Variants in MROH9 observed in about 807,000 individuals in gnomAD.
MROH9 encodes the protein maestro heat like repeat family member 9.
In MROH9, 92 loss-of-function variants were observed where a neutral mutation model predicts 98.2. The observed-to-expected ratio is 0.94, with a 90% confidence interval of 0.79 to 1.11. MROH9 has a LOEUF of 1.11. MROH9 is among the 50% of genes most tolerant of loss of function. MROH9 has a pLI of 0.00. For missense variants in MROH9, 1,057 were observed against 1,014.8 expected, an observed-to-expected ratio of 1.04 and a Z score of -0.57; for synonymous variants, 397 against 368.9, an observed-to-expected ratio of 1.08 and a Z score of -0.87.
intron 20 of MROH9, among the ~76,000 whole-genome samples, chr1:171,034,525 G>A (rs1653033673): frequency 6.6e-6 from 1 of 152,128 alleles, no homozygotes; most frequent in African/African-American, 2.4e-5. Flanking sequence ...AACACTTAAT[G>A]TCCATTAATG....
At position 171,024,711 on chromosome 1, in the gene MROH9, CAA is replaced by C. The variant is rs777224247; in HGVS notation, c.2126_2127del (p.Lys709ArgfsTer2). On this transcript the variant is annotated frameshift_variant, in exon 19 of 22. Coordinates refer to ENST00000367759, the MANE Select transcript of MROH9 (RefSeq NM_001163629.2). LOFTEE classifies it high-confidence loss of function. ...TAAAGTGGTCAACATCACGTTTGCT[CAA>C]AGATGAAAATTACAGTTTTGAGATG... is the stretch of plus-strand genomic sequence containing the variant. Reference protein sequence around the residue: ...QLKWSTSRLLKDENYSFEMVV... With the variant: ...QLKWSTSRLLXDENYSFEMVV... 3.0e-5 allele frequency: 46 copies of C among 1,551,052 alleles called. No homozygotes were observed. The highest frequency in any genetic ancestry group is 4.0e-5 in the Non-Finnish European group (46 of 1,146,758).
chr1:170,961,934 G>A lies in MROH9; in HGVS notation c.333G>A (p.Thr111=), dbSNP rs752516305. 13 of 1,539,640 alleles carry A rather than the reference G, an allele frequency of 8.4e-6. No homozygotes were observed. The highest frequency in any genetic ancestry group is 1.4e-5 in the African/African-American group (1 of 71,048). The change falls in exon 6 of 22, where the codon ACG becomes ACA. Residue 111 remains threonine, a synonymous_variant. Coordinates refer to ENST00000367759, the MANE Select transcript of MROH9 (RefSeq NM_001163629.2). ...TAAATATATATGAGAACATTCTTAC[G>A]AGCTTGGTGTCTAAAGACCTCTACA... ...NILNIYENIL[T]SLVSKDLYKL...
intron 20 of MROH9, among the ~76,000 whole-genome samples, chr1:171,032,706 C>T (rs1486998867): frequency 2.6e-5 from 4 of 152,132 alleles, no homozygotes; most frequent in Non-Finnish European, 4.4e-5. Flanking sequence ...TAGGATCGCT[C>T]TTGTATAGGG....
rs1300787973 is a variant in MROH9 at position 170,990,079 on chromosome 1, A to G, written c.1028+76A>G. ...GCACTGTCAGATGGACCTGGGTTCA[A>G]CTCTCAATCTACCATAGTCAGGCCT... On this transcript the variant is annotated intron_variant, in intron 11 of 21. Coordinates refer to ENST00000367759, the MANE Select transcript of MROH9 (RefSeq NM_001163629.2). The G allele has an allele frequency of 8.4e-6, 12 of 1,420,636 alleles. No individual in the cohort carries two copies. The East Asian group carries it at 2.9e-4, about 34-fold the overall frequency. 88.0% of individuals were successfully genotyped at this position (1,420,636 alleles called of 1,614,324 possible). A position where few individuals can be genotyped will look rare whatever the true frequency, so the allele number is the denominator to read the frequency against.
chr1:170,974,430 A>G (rs1650603900), intron 8 of MROH9, among the ~76,000 whole-genome samples: 1 of 152,120 alleles, frequency 6.6e-6, no homozygotes, highest in African/African-American at 2.4e-5. Context: ...GAAAAAGGAC[A>G]TTACATATAG....
chr1:171,060,217 A>G (rs574429915), intron 20 of MROH9, among the ~76,000 whole-genome samples: 23 of 152,186 alleles, frequency 1.5e-4, no homozygotes, highest in Admixed American at 4.6e-4. Context: ...AATACCTTAA[A>G]ATAAAACTAA....
intron 3 of MROH9, among the ~76,000 whole-genome samples, chr1:170,953,317 C>T (rs1485506254): frequency 1.3e-5 from 2 of 151,864 alleles, no homozygotes; most frequent in Non-Finnish European, 2.9e-5. Flanking sequence ...TTAACGGTAT[C>T]TTTTGAAGAG....
intron 20 of MROH9, among the ~76,000 whole-genome samples, chr1:171,047,967 G>A (rs373694060): frequency 8.5e-5 from 13 of 152,204 alleles, no homozygotes; most frequent in African/African-American, 2.4e-4. Flanking sequence ...TACCAAGAAG[G>A]GACTCTTGTT....
intron 9 of MROH9, among the ~76,000 whole-genome samples, chr1:170,985,187 T>A (rs1020702639): frequency 2.0e-5 from 3 of 152,144 alleles, no homozygotes; most frequent in Admixed American, 2.0e-4. Flanking sequence ...GTGTCACTCA[T>A]GGGAATTTAT....
intron 20 of MROH9, among the ~76,000 whole-genome samples, chr1:171,050,915 G>A (rs1241382511): frequency 2.6e-5 from 4 of 152,102 alleles, no homozygotes; most frequent in Non-Finnish European, 4.4e-5. Flanking sequence ...CATTTATTGC[G>A]ATGATTATTG....
chr1:170,962,095 T>C lies in MROH9; in HGVS notation c.375+119T>C. The C allele has an allele frequency of 6.7e-6, 4 of 592,804 alleles. No homozygotes were observed. The South Asian group carries it at 9.1e-5, about 13-fold the overall frequency. The allele number at this position is 592,804 out of a possible 1,614,324, so 36.7% of individuals were successfully genotyped here. A position where few individuals can be genotyped will look rare whatever the true frequency, so the allele number is the denominator to read the frequency against. ...TTCAAGTATTTGATGACTGAAAGTT[T>C]TTCTTTACCACAGAAGAGTGAAATG... On this transcript the variant is annotated intron_variant, in intron 6 of 21. Transcript: ENST00000367759.
At chr1:170,992,590 G>A (rs115112078) in intron 12 of MROH9, among the ~76,000 whole-genome samples, 225 of 152,318 alleles carry the variant, frequency 1.5e-3, no homozygotes, top group African/African-American at 5.1e-3. Flanking sequence ...ATATAGTGGT[G>A]TGGAGGAAAG....
Position 171,025,373 on chromosome 1 carries a change from T to C in MROH9, c.2234T>C (p.Leu745Pro), listed in dbSNP as rs1376871832. ...TDLTSDTLRF[L>P]WSPRTYLKRA... ...TTGACATCTGATACCTTACGATTCC[T>C]GTGGAGCCCCAGAACATATCTTAAG... Residue 745 changes from leucine to proline, a missense_variant, in exon 20 of 22, where the codon CTG becomes CCG. Transcript: ENST00000367759. 1.3e-6 allele frequency: 2 copies of C among 1,550,348 alleles called. No homozygotes were observed. The highest frequency in any genetic ancestry group is 3.9e-5 in the Admixed American group (2 of 50,994).
chr1:171,026,030 A>T (rs1302296064), intron 20 of MROH9, among the ~76,000 whole-genome samples: 1 of 152,174 alleles, frequency 6.6e-6, no homozygotes, highest in Non-Finnish European at 1.5e-5. Flanking sequence ...CCTTGACCCC[A>T]GTTAGCATCA....
chr1:171,012,589 G>A lies in MROH9; in HGVS notation c.1597-1528G>A, dbSNP rs571111916. 5.7e-5 allele frequency among the ~76,000 whole-genome samples: 8 copies of A among 139,666 alleles called. No homozygotes were observed. The South Asian group carries it at 9.6e-4, about 17-fold the overall frequency. The allele number at this position is 139,666 out of a possible 152,430, so 91.6% of individuals were successfully genotyped here. ...TCGATCTCGGCTCACCGCAAGCTCC[G>A]CCTCCCGGGTTCACTCCATTCTCCT... On this transcript the variant is annotated intron_variant, in intron 15 of 21. Transcript: ENST00000367759.
chr1:171,037,041 A>AT (rs138642987), intron 20 of MROH9, among the ~76,000 whole-genome samples: 16,683 of 151,790 alleles, frequency 0.11, 1,146 homozygotes, highest in Middle Eastern at 0.18. Flanking sequence ...GAGCACAAGT[A>AT]TTTTTTATTT....
chr1:171,022,931 G>T (rs189905517), intron 17 of MROH9, among the ~76,000 whole-genome samples: 1 of 152,120 alleles, frequency 6.6e-6, no homozygotes, highest in Non-Finnish European at 1.5e-5. Flanking sequence ...TTTGGCCAAG[G>T]TCATGTATGT....
intron 20 of MROH9, among the ~76,000 whole-genome samples, chr1:171,052,609 C>T (rs184039437): frequency 8.5e-5 from 13 of 152,254 alleles, no homozygotes; most frequent in Admixed American, 5.2e-4. Context: ...TCCAGGCAAG[C>T]GAGTGCATAA....
chr1:171,046,510 C>T (rs1293024237), intron 20 of MROH9, among the ~76,000 whole-genome samples: 2 of 152,112 alleles, frequency 1.3e-5, no homozygotes, highest in African/African-American at 4.8e-5. Context: ...TCTTATAAAC[C>T]ATTATGTTAA....
Sources: allele counts gnomAD v4.1 joint callset (sites outside exome capture counted in the v4.1 genomes callset), GRCh38; gene constraint gnomAD v4.1.1; transcripts MANE v1.5; gene names NCBI Gene and HGNC (gene_info 2026-07-23, HGNC 2026-07-21).